CIBAR2: variants seen among roughly 807,000 people sequenced by gnomAD.
CIBAR2 encodes the protein CBY1 interacting BAR domain containing 2, also known as CBY1-interacting BAR domain-containing protein 2.
In CIBAR2, 38 loss-of-function variants were observed where a neutral mutation model predicts 36.2. That is an observed-to-expected ratio of 1.05 (90% CI 0.81 to 1.38). The LOEUF (loss-of-function observed/expected upper bound fraction) is 1.38, where lower values mean the gene tolerates loss of function less well. CIBAR2 is among the 40% of genes most tolerant of loss of function. The pLI is 0.00. For missense variants in CIBAR2, 481 were observed against 383.4 expected (o/e 1.25, Z -2.13); for synonymous variants, 182 against 149.5 (o/e 1.22, Z -1.58).
At chr16:85,108,123 G>T (rs758610807) in intron 2 of CIBAR2, 24 bp from the exon 3 acceptor site, 33 of 1,592,922 alleles carry the variant, frequency 2.1e-5, no homozygotes, top group African/African-American at 1.2e-4. Context: ...GACACCAGGG[G>T]ATCTGAGCGC....
chr16:85,102,240 T>C lies in CIBAR2; in HGVS notation c.625A>G (p.Lys209Glu), dbSNP rs368472969. 1 of 1,608,994 alleles carries C rather than the reference T, an allele frequency of 6.2e-7. No individual in the cohort carries two copies. Among genetic ancestry groups the C allele is most frequent in the Non-Finnish European group, 8.5e-7 (1 of 1,175,272 alleles). Residue 209 changes from lysine (K) to glutamate (E), a missense_variant, in exon 7 of 9, where the codon AAG (lysine) becomes GAG (glutamate). Lys to Glu is a moderately conservative substitution (Grantham distance 56). Transcript: ENST00000539556. ...AGTAGATCCCTCTCCAGGTCATACT[T>C]CTCCAGGGTCTGGAAGGCGCTAGAA... ...VYSSAFQTLEKYDLERDLLDF... is the reference protein window; with the variant it reads ...VYSSAFQTLEEYDLERDLLDF...
Position 85,108,023 on chromosome 16 carries a change from C to T in CIBAR2, c.324+8G>A, listed in dbSNP as rs369301534. 6.8e-6 allele frequency: 11 copies of T among 1,613,576 alleles called. No individual in the cohort carries two copies. The highest frequency in any genetic ancestry group is 6.7e-5 in the African/African-American group (5 of 74,918). On this transcript the variant is annotated splice_region_variant and intron_variant, in intron 3 of 8. Coordinates refer to ENST00000539556, the MANE Select transcript of CIBAR2 (RefSeq NM_198491.3). ...GGATGCCACCCACACCGAGGTGCCCCGGCTCACCCGTGTCTGCTTGATCTG... is the reference window on the plus strand; with the variant it reads ...GGATGCCACCCACACCGAGGTGCCCTGGCTCACCCGTGTCTGCTTGATCTG...
chr16:85,105,584 G>C lies in CIBAR2; in HGVS notation c.433-153C>G. ...TGCTAATTGGGTCATCAAAGGAATG[G>C]CTGAGTAGGACCCCGGCTGAAGGAG... On this transcript the variant is annotated intron_variant, in intron 5 of 8. Coordinates refer to ENST00000539556, the MANE Select transcript of CIBAR2 (RefSeq NM_198491.3). 7 of 613,284 alleles carry C rather than the reference G, an allele frequency of 1.1e-5. No individual in the cohort carries two copies. In the South Asian group the frequency reaches 1.2e-4, roughly 10 times the overall value. The allele number at this position is 613,284 out of a possible 1,614,324, so 38.0% of individuals were successfully genotyped here. A position where few individuals can be genotyped will look rare whatever the true frequency, so the allele number is the denominator to read the frequency against.
chr16:85,112,465 C>A lies in CIBAR2; in HGVS notation c.-113G>T. The A allele has an allele frequency of 9.1e-7, 1 of 1,102,320 alleles. No homozygotes were observed. The highest frequency in any genetic ancestry group is 1.3e-5 in the South Asian group (1 of 79,232). The allele number at this position is 1,102,320 out of a possible 1,614,324, so 68.3% of individuals were successfully genotyped here. On this transcript the variant is annotated 5_prime_UTR_variant, in exon 1 of 9. Coordinates refer to ENST00000539556, the MANE Select transcript of CIBAR2 (RefSeq NM_198491.3). Reference sequence around the variant, plus strand: ...TGGGTGCAGCTGTGTGGCCTGGGCTCAAGGGACGCTGCCACCCGGTTGCTA... The same window carrying A: ...TGGGTGCAGCTGTGTGGCCTGGGCTAAAGGGACGCTGCCACCCGGTTGCTA...
Position 85,108,099 on chromosome 16 carries a change from C to T in CIBAR2, c.256G>A (p.Val86Ile), listed in dbSNP as rs151242681. The T allele has an allele frequency of 5.6e-6, 9 of 1,608,902 alleles. No individual in the cohort carries two copies. In the African/African-American group the frequency reaches 1.2e-4, roughly 22 times the overall value. The change falls in exon 3 of 9, where the codon GTC (valine) becomes ATC (isoleucine). Residue 86 changes from valine to isoleucine, a missense_variant and splice_region_variant. Coordinates refer to ENST00000539556, the MANE Select transcript of CIBAR2 (RefSeq NM_198491.3). ...ACCACCTTGGTCTCCAGCCTCTCGACCTGGGGGAGCGGGGACACCAGGGGA... is the reference window on the plus strand; with the variant it reads ...ACCACCTTGGTCTCCAGCCTCTCGATCTGGGGGAGCGGGGACACCAGGGGA... ...AKVQDYRQAQ[V>I]ERLETKVVNP...
In CIBAR2 at chr16:85,105,436, C is replaced by A; in HGVS notation, c.433-5G>T. On this transcript the variant is annotated splice_polypyrimidine_tract_variant and splice_region_variant and intron_variant, in intron 5 of 8. Coordinates refer to ENST00000539556, the MANE Select transcript of CIBAR2 (RefSeq NM_198491.3). ...CCTCTGCACTCTGGTCTCTGCCTGG[C>A]CCCAGGGACACAAGACGTAGAAAGT... 1.9e-6 allele frequency: 3 copies of A among 1,609,256 alleles called. No individual in the cohort carries two copies. The highest frequency in any genetic ancestry group is 1.3e-5 in the African/African-American group (1 of 74,968).
At chr16:85,108,003 C>A (rs200618767) in intron 3 of CIBAR2, 28 bp downstream of exon 3, 271 of 1,613,424 alleles carry the variant, frequency 1.7e-4, no homozygotes, top group Admixed American at 2.0e-4. Context: ...GACAGGGATG[C>A]CACCCACACC....
At chr16:85,110,110 T>A (rs914973216) in intron 2 of CIBAR2, 116 bp downstream of exon 2, 6 of 720,280 alleles carry the variant, frequency 8.3e-6, no homozygotes, top group Non-Finnish European at 1.4e-5. Flanking sequence ...TGGATGTCTC[T>A]GGAGACACAC....
At chr16:85,111,774 A>G (rs1182469293) in intron 1 of CIBAR2, among the ~76,000 whole-genome samples, 2 of 152,188 alleles carry the variant, frequency 1.3e-5, no homozygotes, top group Non-Finnish European at 2.9e-5. Context: ...AGCCCAGGCG[A>G]TGGAGGTTGC....
chr16:85,111,504 G>A (rs1051873084), intron 1 of CIBAR2, among the ~76,000 whole-genome samples: 2 of 152,144 alleles, frequency 1.3e-5, no homozygotes, highest in Non-Finnish European at 2.9e-5. Context: ...CCGACCCCAG[G>A]CATGTGCACC....
At chr16:85,108,773 C>T (rs2074017918) in intron 2 of CIBAR2, among the ~76,000 whole-genome samples, 1 of 152,162 alleles carries the variant, frequency 6.6e-6, no homozygotes, top group African/African-American at 2.4e-5. Flanking sequence ...GCTTGGGAGG[C>T]TGAGGCAGGA....
intron 4 of CIBAR2, 27 bp from the exon 5 acceptor site, chr16:85,107,699 A>G (rs535670158): frequency 6.2e-7 from 1 of 1,613,958 alleles, no homozygotes; most frequent in South Asian, 1.1e-5. Flanking sequence ...TAAGGAACCA[A>G]GTTAAGCCCA....
intron 1 of CIBAR2, among the ~76,000 whole-genome samples, chr16:85,111,673 C>T (rs772698277): frequency 9.9e-5 from 15 of 152,168 alleles, no homozygotes; most frequent in Non-Finnish European, 1.9e-4. Context: ...TGGTGAAACC[C>T]CGTCTCTACT....
chr16:85,107,696 C>G, intron 4 of CIBAR2, 24 bp from the exon 5 acceptor site: 6 of 1,613,952 alleles, frequency 3.7e-6, no homozygotes, highest in African/African-American at 1.3e-5. Context: ...TGTTAAGGAA[C>G]CAAGTTAAGC....
rs892520015 is a variant in CIBAR2, at chr16:85,105,394, C to G, written c.470G>C (p.Ser157Thr). ...CTCCTCCAGCTGGAGGGTGGTGCGGCTGGAGTCCACAGCGGCCCTCTGCAC... is the reference window on the plus strand; with the variant it reads ...CTCCTCCAGCTGGAGGGTGGTGCGGGTGGAGTCCACAGCGGCCCTCTGCAC... ...TRVQRAAVDS[S>T]RTTLQLEETV... Residue 157 changes from serine to threonine, a missense_variant, in exon 6 of 9, where the codon AGC becomes ACC. Transcript: ENST00000539556. The G allele has an allele frequency of 6.2e-7, 1 of 1,613,910 alleles. No homozygotes were observed. Among genetic ancestry groups the G allele is most frequent in the African/African-American group, 1.3e-5 (1 of 75,054 alleles).
At chr16:85,111,230 C>T (rs936504549) in intron 1 of CIBAR2, among the ~76,000 whole-genome samples, 3 of 152,190 alleles carry the variant, frequency 2.0e-5, no homozygotes, top group African/African-American at 7.2e-5. Context: ...ACTCGAGAAA[C>T]GCCCTGAGGA....
chr16:85,104,987 A>C (rs2073984281), intron 6 of CIBAR2, among the ~76,000 whole-genome samples: 1 of 152,114 alleles, frequency 6.6e-6, no homozygotes, highest in African/African-American at 2.4e-5. Context: ...TGTGAGGAGA[A>C]AAAGAGGTTA....
At position 85,099,358 on chromosome 16, in the gene CIBAR2, T is replaced by G; in HGVS notation, c.754-12A>C. ...ACCTGCAGAGTTCCCTGCAGAAATA[T>G]AAATGCACCTGATGGCAGGCCTTCC... On this transcript the variant is annotated splice_polypyrimidine_tract_variant and intron_variant, in intron 8 of 8. Coordinates refer to ENST00000539556, the MANE Select transcript of CIBAR2 (RefSeq NM_198491.3). 7.0e-7 allele frequency: 1 copy of G among 1,421,278 alleles called. No homozygotes were observed. The highest frequency in any genetic ancestry group is 1.0e-6 in the Non-Finnish European group (1 of 1,004,080). 88.0% of individuals were successfully genotyped at this position (1,421,278 alleles called of 1,614,324 possible). A position where few individuals can be genotyped will look rare whatever the true frequency, so the allele number is the denominator to read the frequency against.
chr16:85,099,134 G>T lies in CIBAR2; in HGVS notation c.*51C>A. Reference sequence around the variant, plus strand: ...TCAGAAAATAAGAACAAAGCCTCCAGGCAGTCTGGGATTATTTTAAACGGC... The same window carrying T: ...TCAGAAAATAAGAACAAAGCCTCCATGCAGTCTGGGATTATTTTAAACGGC... On this transcript the variant is annotated 3_prime_UTR_variant, in exon 9 of 9. Coordinates refer to ENST00000539556, the MANE Select transcript of CIBAR2 (RefSeq NM_198491.3). The T allele has an allele frequency of 6.9e-7, 1 of 1,456,602 alleles. No homozygotes were observed. Among genetic ancestry groups the T allele is most frequent in the Non-Finnish European group, 9.1e-7 (1 of 1,102,332 alleles). The allele number at this position is 1,456,602 out of a possible 1,614,324, so 90.2% of individuals were successfully genotyped here.
Sources: allele counts gnomAD v4.1 joint callset (sites outside exome capture counted in the v4.1 genomes callset), GRCh38; gene constraint gnomAD v4.1.1; transcripts MANE v1.5; gene names NCBI Gene and HGNC (gene_info 2026-07-23, HGNC 2026-07-21).